LEPR: variants seen among roughly 807,000 people sequenced by gnomAD.
LEPR encodes the protein leptin receptor.
A neutral mutation model predicts 114.7 loss-of-function variants in LEPR; 56 were observed. That is an observed-to-expected ratio of 0.49 (90% CI 0.39 to 0.61). The LOEUF (loss-of-function observed/expected upper bound fraction) is 0.61. Ranked by LOEUF, LEPR falls within the 20% of genes least tolerant of loss-of-function variation. The pLI, the probability that LEPR is intolerant of heterozygous loss-of-function variation, is 0.00. For synonymous variants in LEPR, 443 were observed against 461.4 expected (o/e 0.96, Z 0.51); for missense variants, 1,202 against 1,352.9 (o/e 0.89, Z 1.75).
intron 2 of LEPR, among the ~76,000 whole-genome samples, chr1:65,499,667 A>G (rs967622664): frequency 6.6e-6 from 1 of 152,124 alleles, no homozygotes; most frequent in African/African-American, 2.4e-5. Flanking sequence ...AGGGCTTCAA[A>G]AATAAGAACC....
chr1:65,565,779 C>T (rs142667397), intron 3 of LEPR, among the ~76,000 whole-genome samples, 174 bp downstream of exon 3: 19 of 152,006 alleles, frequency 1.2e-4, no homozygotes, highest in South Asian at 6.2e-4. Flanking sequence ...AGTGTGAAAA[C>T]GAAAACCCTT....
Position 65,598,664 on chromosome 1 carries a change from A to G in LEPR, c.854A>G (p.Asp285Gly). 2.5e-6 allele frequency: 4 copies of G among 1,613,152 alleles called. No individual in the cohort carries two copies. Among genetic ancestry groups the G allele is most frequent in the Non-Finnish European group, 3.4e-6 (4 of 1,179,580 alleles). ...ENSTTVIREA[D>G]KIVSATSLLV... is the part of the protein sequence containing the mutation. ...TTTTAATATAATATTTAACAGGCTG[A>G]CAAGATTGTCTCAGCTACATCCCTG... Residue 285 changes from aspartate to glycine, a missense_variant, in exon 8 of 20, where the codon GAC becomes GGC. Coordinates refer to ENST00000349533, the MANE Select transcript of LEPR (RefSeq NM_002303.6).
At chr1:65,623,833 C>A (rs545552496) in intron 19 of LEPR, among the ~76,000 whole-genome samples, 1 of 152,296 alleles carries the variant, frequency 6.6e-6, no homozygotes, top group South Asian at 2.1e-4. Flanking sequence ...CTGTTATCAA[C>A]CTACCTATAC....
intron 1 of LEPR, among the ~76,000 whole-genome samples, chr1:65,422,419 C>T (rs942145178): frequency 3.3e-5 from 5 of 152,124 alleles, no homozygotes; most frequent in Non-Finnish European, 5.9e-5. Flanking sequence ...AGTGTGGTGG[C>T]GCTGCTGACA....
chr1:65,450,268 T>C (rs1483200219), intron 2 of LEPR, among the ~76,000 whole-genome samples: 1 of 152,158 alleles, frequency 6.6e-6, no homozygotes, highest in East Asian at 1.9e-4. Flanking sequence ...GATTAAATGC[T>C]TTTTTAAAAA....
intron 12 of LEPR, among the ~76,000 whole-genome samples, chr1:65,609,507 A>G (rs1657032511): frequency 6.6e-6 from 1 of 152,248 alleles, no homozygotes; most frequent in South Asian, 2.1e-4. Flanking sequence ...TCATTAGATC[A>G]CAATGATATC....
At chr1:65,554,529 A>C (rs1652668550) in intron 2 of LEPR, among the ~76,000 whole-genome samples, 1 of 152,214 alleles carries the variant, frequency 6.6e-6, no homozygotes, top group East Asian at 1.9e-4. Context: ...AAAACTGCCT[A>C]TTCAAGCCTC....
intron 5 of LEPR, among the ~76,000 whole-genome samples, chr1:65,590,516 A>C (rs1655621690): frequency 6.6e-6 from 1 of 151,546 alleles, no homozygotes; most frequent in Non-Finnish European, 1.5e-5. Flanking sequence ...ATAATGAGTG[A>C]GTTCTCATGA....
chr1:65,588,682 A>T (rs1655487381), intron 5 of LEPR, among the ~76,000 whole-genome samples: 2 of 152,090 alleles, frequency 1.3e-5, no homozygotes. Context: ...AACTTTATAT[A>T]AATGCAATCA....
intron 2 of LEPR, among the ~76,000 whole-genome samples, chr1:65,488,351 G>A (rs1022700233): frequency 7.8e-6 from 1 of 128,958 alleles, no homozygotes; most frequent in Non-Finnish European, 1.6e-5. Context: ...TTTTTTAACA[G>A]GATCTCATTC....
chr1:65,597,782 A>C (rs1210364210), intron 7 of LEPR, among the ~76,000 whole-genome samples: 2 of 152,132 alleles, frequency 1.3e-5, no homozygotes, highest in African/African-American at 4.8e-5. Flanking sequence ...AAAATTTAAA[A>C]CATTTTATTT....
chr1:65,605,528 G>T (rs893742225), intron 11 of LEPR, among the ~76,000 whole-genome samples: 2 of 152,116 alleles, frequency 1.3e-5, no homozygotes, highest in East Asian at 3.9e-4. Flanking sequence ...TCTAAATAAG[G>T]CATTATTTTA....
chr1:65,561,605 T>C (rs1439735535), intron 2 of LEPR, among the ~76,000 whole-genome samples: 1 of 54,994 alleles, frequency 1.8e-5, no homozygotes, highest in Non-Finnish European at 3.7e-5. Flanking sequence ...CTTTTGAATG[T>C]GTTTGCTCTT....
intron 10 of LEPR, among the ~76,000 whole-genome samples, chr1:65,603,788 G>C (rs1225325111): frequency 6.6e-6 from 1 of 151,498 alleles, no homozygotes; most frequent in African/African-American, 2.4e-5. Flanking sequence ...GCCTAGGGAA[G>C]CCAAAAGATT....
At chr1:65,542,116 G>A (rs543753096) in intron 2 of LEPR, among the ~76,000 whole-genome samples, 3 of 152,140 alleles carry the variant, frequency 2.0e-5, no homozygotes, top group African/African-American at 7.2e-5. Flanking sequence ...TGATTAATAT[G>A]CTTACTGTGC....
At chr1:65,452,589 T>C (rs1354787816) in intron 2 of LEPR, among the ~76,000 whole-genome samples, 1 of 152,080 alleles carries the variant, frequency 6.6e-6, no homozygotes, top group Non-Finnish European at 1.5e-5. Flanking sequence ...ATTTATTGAT[T>C]TGCGTATATT....
In LEPR at chr1:65,587,536, G is replaced by T. The variant is rs142935008; in HGVS notation, c.495-5121G>T. Among the ~76,000 whole-genome samples, 16 of 152,132 alleles carry T rather than the reference G, an allele frequency of 1.1e-4. 1 individual carries two copies. The highest frequency in any genetic ancestry group is 3.8e-4 in the African/African-American group (16 of 41,560). On this transcript the variant is annotated intron_variant, in intron 5 of 19. Coordinates refer to ENST00000349533, the MANE Select transcript of LEPR (RefSeq NM_002303.6). ...TGTAAACATAGATGGTTCGGGGATT[G>T]TCTTGGTTTTATTGATTCAGGAACC...
intron 2 of LEPR, among the ~76,000 whole-genome samples, chr1:65,512,005 G>A (rs917011829): frequency 1.3e-5 from 2 of 152,162 alleles, no homozygotes; most frequent in South Asian, 2.1e-4. Context: ...TTCTGGGGAC[G>A]CCTCAGGAAG....
chr1:65,452,145 C>T (rs1646794808), intron 2 of LEPR, among the ~76,000 whole-genome samples: 1 of 152,150 alleles, frequency 6.6e-6, no homozygotes, highest in Non-Finnish European at 1.5e-5. Flanking sequence ...TGAGACTTTG[C>T]TGAAGTTGCT....
Sources: gnomAD v4.1 joint callset for allele counts (sites outside exome capture counted in the v4.1 genomes callset) on GRCh38, gnomAD v4.1.1 for gene constraint, MANE v1.5 for transcripts, NCBI Gene and HGNC (gene_info 2026-07-23, HGNC 2026-07-21) for gene names.